NGF: variants seen among roughly 807,000 people sequenced by gnomAD.
NGF encodes beta-nerve growth factor.
A neutral mutation model predicts 12.8 loss-of-function variants in NGF; 4 were observed. The ratio of observed to expected loss-of-function variants is 0.31; its 90% confidence interval spans 0.15 to 0.72. The LOEUF (loss-of-function observed/expected upper bound fraction) is 0.72, where lower values mean the gene tolerates loss of function less well. NGF is among the 30% of genes least tolerant of loss of function. The pLI is 0.69. For missense variants in NGF, 283 were observed against 330.8 expected, an observed-to-expected ratio of 0.86 and a Z score of 1.12; for synonymous variants, 140 against 130.0, an observed-to-expected ratio of 1.08 and a Z score of -0.52.
chr1:115,337,267 G>GTTTTTTTTTTTTTT lies in NGF; in HGVS notation c.-137+923_-137+936dup, dbSNP rs67307707. Among the ~76,000 whole-genome samples the GTTTTTTTTTTTTTT allele has an allele frequency of 1.0e-3, 81 of 81,028 alleles. 18 individuals are homozygous for GTTTTTTTTTTTTTT. The highest frequency in any genetic ancestry group is 1.4e-3 in the Non-Finnish European group (58 of 42,674). The allele number at this position is 81,028 out of a possible 152,430, so 53.2% of individuals were successfully genotyped here. The stretch of plus-strand genomic sequence containing the variant: ...TCGAAATTTTTTTTGTTTTGTTTTT[G>GTTTTTTTTTTTTTT]TTTTTTTTTTTTTTTTTTTTTTTTT... On this transcript the variant is annotated intron_variant, in intron 1 of 2. Coordinates refer to ENST00000369512, the MANE Select transcript of NGF (RefSeq NM_002506.3).
At chr1:115,319,141 A>G (rs1186004007) in intron 1 of NGF, among the ~76,000 whole-genome samples, 1 of 152,258 alleles carries the variant, frequency 6.6e-6, no homozygotes, top group African/African-American at 2.4e-5. Context: ...GCCAAGAATG[A>G]GAGTCACTCA....
At chr1:115,314,722 T>G (rs1350092219) in intron 1 of NGF, among the ~76,000 whole-genome samples, 1 of 152,186 alleles carries the variant, frequency 6.6e-6, no homozygotes, top group African/African-American at 2.4e-5. Flanking sequence ...ATTGAGCAAC[T>G]ATTATGCACC....
chr1:115,322,342 C>G (rs1654652475), intron 1 of NGF, among the ~76,000 whole-genome samples: 1 of 152,096 alleles, frequency 6.6e-6, no homozygotes, highest in South Asian at 2.1e-4. Flanking sequence ...CAACTCCAGG[C>G]CCATGGTAAG....
chr1:115,326,680 C>T (rs930308953), intron 1 of NGF, among the ~76,000 whole-genome samples: 1 of 152,160 alleles, frequency 6.6e-6, no homozygotes, highest in Admixed American at 6.5e-5. Context: ...AGTGCATCTA[C>T]ATCTGCTACT....
intron 1 of NGF, among the ~76,000 whole-genome samples, chr1:115,295,113 C>G (rs1273708864): frequency 6.6e-6 from 1 of 152,178 alleles, no homozygotes; most frequent in African/African-American, 2.4e-5. Flanking sequence ...ATATCTTCAT[C>G]CAACTCCCTC....
At chr1:115,308,820 G>C (rs1654267860) in intron 1 of NGF, among the ~76,000 whole-genome samples, 1 of 152,206 alleles carries the variant, frequency 6.6e-6, no homozygotes, top group African/African-American at 2.4e-5. Context: ...GTGATTCTTA[G>C]TGTCATTCCA....
At chr1:115,297,860 T>C (rs1653917844) in intron 1 of NGF, among the ~76,000 whole-genome samples, 1 of 152,220 alleles carries the variant, frequency 6.6e-6, no homozygotes, top group South Asian at 2.1e-4. Flanking sequence ...CCTTCAGAGA[T>C]TCTGATTTCA....
intron 1 of NGF, among the ~76,000 whole-genome samples, chr1:115,313,054 G>T (rs1654376016): frequency 6.6e-6 from 1 of 152,156 alleles, no homozygotes; most frequent in African/African-American, 2.4e-5. Flanking sequence ...GTTGACCAAT[G>T]CTTTGAAAAT....
At chr1:115,320,588 C>A (rs1420371951) in intron 1 of NGF, among the ~76,000 whole-genome samples, 2 of 152,112 alleles carry the variant, frequency 1.3e-5, no homozygotes, top group Non-Finnish European at 2.9e-5. Flanking sequence ...ACGTTCCGGG[C>A]AGAAAAAGTG....
intron 1 of NGF, among the ~76,000 whole-genome samples, chr1:115,299,661 T>C (rs543820737): frequency 6.6e-6 from 1 of 152,334 alleles, no homozygotes; most frequent in Admixed American, 6.5e-5. Flanking sequence ...CCTTGTAGTA[T>C]AGCCCCTCAG....
chr1:115,292,209 G>A (rs1161118906), intron 2 of NGF, among the ~76,000 whole-genome samples: 2 of 152,166 alleles, frequency 1.3e-5, no homozygotes, highest in Non-Finnish European at 2.9e-5. Context: ...GTACTTCAGA[G>A]GTGTCCTGGG....
At chr1:115,337,262 T>TTG (rs1557950735) in intron 1 of NGF, among the ~76,000 whole-genome samples, 1 of 79,294 alleles carries the variant, frequency 1.3e-5, no homozygotes, top group Non-Finnish European at 2.2e-5. Flanking sequence ...TTTTGTTTTG[T>TTG]TTTTGTTTTT....
At chr1:115,297,623 C>T (rs906260494) in intron 1 of NGF, among the ~76,000 whole-genome samples, 1 of 152,198 alleles carries the variant, frequency 6.6e-6, no homozygotes, top group African/African-American at 2.4e-5. Context: ...CTCTGCTGAT[C>T]GTTTTTCAAG....
intron 1 of NGF, among the ~76,000 whole-genome samples, chr1:115,300,782 C>A (rs1405982394): frequency 2.0e-5 from 3 of 152,256 alleles, no homozygotes; most frequent in African/African-American, 7.2e-5. Context: ...GAAGAATTTA[C>A]TTCCATGAGT....
At chr1:115,298,531 G>A (rs1379835991) in intron 1 of NGF, among the ~76,000 whole-genome samples, 11 of 151,898 alleles carry the variant, frequency 7.2e-5, no homozygotes, top group Non-Finnish European at 1.6e-4. Context: ...TTCCTAGTGA[G>A]TTTCCCTACT....
chr1:115,296,988 A>G (rs1653892570), intron 1 of NGF, among the ~76,000 whole-genome samples: 1 of 152,152 alleles, frequency 6.6e-6, no homozygotes, highest in Non-Finnish European at 1.5e-5. Context: ...ATCATGTTCT[A>G]TTCTTTCTTA....
chr1:115,296,360 G>C (rs1333559727), intron 1 of NGF, among the ~76,000 whole-genome samples: 1 of 152,236 alleles, frequency 6.6e-6, no homozygotes, highest in Non-Finnish European at 1.5e-5. Context: ...AACCAGAGAA[G>C]TAATAGTGAC....
In NGF at chr1:115,329,269, C is replaced by T. The variant is rs139613470; in HGVS notation, c.-137+8935G>A. On this transcript the variant is annotated intron_variant, in intron 1 of 2. Transcript: ENST00000369512. ...TGTACTTCATACATCTATGTATGTA[C>T]TTCACAGATGTACTTCATACACTTT... is the stretch of plus-strand genomic sequence containing the variant. Among the ~76,000 whole-genome samples, 1,073 of 152,282 alleles carry T rather than the reference C, an allele frequency of 7.0e-3. 17 individuals are homozygous for T. The highest frequency in any genetic ancestry group is 0.024 in the African/African-American group (1,014 of 41,540).
intron 1 of NGF, among the ~76,000 whole-genome samples, chr1:115,318,179 CCTTT>C (rs975362564): frequency 2.0e-5 from 3 of 152,176 alleles, no homozygotes; most frequent in Non-Finnish European, 2.9e-5. Flanking sequence ...AAGAAATGCC[CCTTT>C]CTTAGGCAGA....
Sources: allele counts gnomAD v4.1 joint callset (sites outside exome capture counted in the v4.1 genomes callset), GRCh38; gene constraint gnomAD v4.1.1; transcripts MANE v1.5; gene names NCBI Gene and HGNC (gene_info 2026-07-23, HGNC 2026-07-21).